The following NAA25 variants were observed in gnomAD, a reference collection of about 807,000 sequenced individuals.
The protein encoded by NAA25 is N-terminal acetyltransferase B complex subunit NAA25.
Under a neutral mutation model 132.5 loss-of-function variants are expected in NAA25, and 30 were observed. The ratio of observed to expected loss-of-function variants is 0.23; its 90% CI spans 0.17 to 0.31. The LOEUF is 0.31. NAA25 is among the 10% of genes least tolerant of loss of function. The pLI, the probability that NAA25 is intolerant of heterozygous loss-of-function variation, is 1.00. For missense variants in NAA25, 771 were observed against 1,150.4 expected (o/e 0.67, Z 4.77); for synonymous variants, 359 against 401.9 (o/e 0.89, Z 1.28).
chr12:112,058,431 A>G (rs2078577901), intron 13 of NAA25, among the ~76,000 whole-genome samples: 1 of 152,252 alleles, frequency 6.6e-6, no homozygotes. Context: ...AAACAGCATT[A>G]TAAACTATCC....
intron 1 of NAA25, among the ~76,000 whole-genome samples, chr12:112,103,825 T>C (rs1377195319): frequency 1.3e-5 from 2 of 152,124 alleles, no homozygotes; most frequent in Non-Finnish European, 2.9e-5. Context: ...TATCAGGCAT[T>C]AGTTAGAGTC....
intron 14 of NAA25, 118 bp downstream of exon 14, chr12:112,054,270 G>A (rs1371624423): frequency 3.4e-6 from 3 of 882,066 alleles, no homozygotes; most frequent in Non-Finnish European, 5.2e-6. Context: ...ATCATAACAG[G>A]TTATTATTTA....
intron 8 of NAA25, 42 bp downstream of exon 8, chr12:112,075,636 C>T: frequency 6.6e-7 from 1 of 1,508,804 alleles, no homozygotes; most frequent in Non-Finnish European, 9.2e-7. Context: ...GGTCTTAAAG[C>T]CTCACTACAG....
chr12:112,036,824 G>A (rs1390960091), intron 22 of NAA25, among the ~76,000 whole-genome samples: 1 of 149,114 alleles, frequency 6.7e-6, no homozygotes, highest in Non-Finnish European at 1.5e-5. Context: ...CTGGGCAACA[G>A]AGCAAGACTC....
At chr12:112,075,990 C>T (rs2136897386) in intron 7 of NAA25, among the ~76,000 whole-genome samples, 1 of 152,312 alleles carries the variant, frequency 6.6e-6, no homozygotes, top group South Asian at 2.1e-4. Flanking sequence ...TCAAGCGATT[C>T]TCCTGTCTCA....
chr12:112,060,664 C>T (rs2078614746), intron 12 of NAA25, among the ~76,000 whole-genome samples: 1 of 152,072 alleles, frequency 6.6e-6, no homozygotes, highest in Non-Finnish European at 1.5e-5. Flanking sequence ...AAGCCAAGTG[C>T]CATGTATAAC....
intron 11 of NAA25, among the ~76,000 whole-genome samples, chr12:112,067,113 TC>T (rs1343057750): frequency 1.3e-5 from 2 of 151,922 alleles, no homozygotes; most frequent in Non-Finnish European, 2.9e-5. Context: ...GGCAGGAGAA[TC>T]CCTTGAACCA....
chr12:112,061,107 AG>A (rs2078622785), intron 12 of NAA25, 73 bp downstream of exon 12: 1 of 1,189,920 alleles, frequency 8.4e-7, no homozygotes, highest in Admixed American at 2.0e-5. Context: ...AGGGTGCTAC[AG>A]GTGCTTAAAA....
At chr12:112,055,384 G>C (rs1329055442) in intron 13 of NAA25, among the ~76,000 whole-genome samples, 10 of 152,140 alleles carry the variant, frequency 6.6e-5, no homozygotes, top group Admixed American at 5.9e-4. Context: ...CACAAAGAGA[G>C]AGAGAAGAAG....
At chr12:112,088,431 A>C (rs1388715568) in intron 3 of NAA25, among the ~76,000 whole-genome samples, 1 of 148,100 alleles carries the variant, frequency 6.8e-6, no homozygotes, top group Non-Finnish European at 1.5e-5. Flanking sequence ...AGCTCAGGTA[A>C]TTCTCCGACC....
intron 1 of NAA25, 140 bp downstream of exon 1, chr12:112,108,576 G>A: frequency 2.2e-6 from 2 of 928,740 alleles, no homozygotes; most frequent in East Asian, 5.2e-5. Context: ...CGCGGCTGCG[G>A]CCTAGTGGCC....
chr12:112,032,698 A>G (rs2078165576), intron 23 of NAA25, among the ~76,000 whole-genome samples: 1 of 152,216 alleles, frequency 6.6e-6, no homozygotes, highest in South Asian at 2.1e-4. Context: ...CTTTATAAGG[A>G]TTTTGCTAAC....
chr12:112,059,461 C>T (rs1417790401), intron 13 of NAA25, among the ~76,000 whole-genome samples: 1 of 152,090 alleles, frequency 6.6e-6, no homozygotes, highest in Non-Finnish European at 1.5e-5. Flanking sequence ...GGGGGTGGGA[C>T]CTAAAGAAAA....
intron 1 of NAA25, among the ~76,000 whole-genome samples, chr12:112,099,400 T>C (rs2079259452): frequency 6.6e-6 from 1 of 152,082 alleles, no homozygotes; most frequent in Non-Finnish European, 1.5e-5. Flanking sequence ...TTTATTTTCC[T>C]ACAGCAAGTG....
intron 1 of NAA25, among the ~76,000 whole-genome samples, chr12:112,104,497 A>G (rs1369940455): frequency 6.6e-6 from 1 of 152,176 alleles, no homozygotes; most frequent in Non-Finnish European, 1.5e-5. Flanking sequence ...ATCTCCCTCC[A>G]TCCCTTCCCT....
intron 17 of NAA25, among the ~76,000 whole-genome samples, chr12:112,045,500 A>AC (rs539477106): frequency 0.09 from 13,260 of 147,380 alleles, 728 homozygotes; most frequent in East Asian, 0.23. Context: ...AAAAAAAAAA[A>AC]AAAAAAAATA....
Position 112,107,390 on chromosome 12 carries a change from T to G in NAA25, c.58+1326A>C, listed in dbSNP as rs142936028. On this transcript the variant is annotated intron_variant, in intron 1 of 23. Coordinates refer to ENST00000261745, the MANE Select transcript of NAA25 (RefSeq NM_024953.4). ...CTCAGTTTCCTCATCTGTTTTTTTTTTTGTTGTTGTTGTTGTTAAAGGGTT... is the reference window on the plus strand; with the variant it reads ...CTCAGTTTCCTCATCTGTTTTTTTTGTTGTTGTTGTTGTTGTTAAAGGGTT... Among the ~76,000 whole-genome samples the G allele has an allele frequency of 3.6e-3, 550 of 152,086 alleles. 3 individuals carry two copies. Among genetic ancestry groups the G allele is most frequent in the South Asian group, 7.9e-3 (38 of 4,820 alleles).
intron 3 of NAA25, 167 bp downstream of exon 3, chr12:112,090,559 T>C (rs527863896): frequency 3.6e-5 from 20 of 560,890 alleles, no homozygotes; most frequent in African/African-American, 2.3e-4. Context: ...TCCTAATGCA[T>C]GTAAACTATC....
chr12:112,028,555 C>T lies in NAA25; in HGVS notation c.*976G>A, dbSNP rs1159856452. On this transcript the variant is annotated 3_prime_UTR_variant, in exon 24 of 24. Transcript: ENST00000261745. ...GCCTAAGGCTAAATCCATAATATTA[C>T]ATTCCTTCCTTCCCAAACCCCCCAC... 1.3e-5 allele frequency: 2 copies of T among 152,102 alleles called. No individual in the cohort carries two copies. The highest frequency in any genetic ancestry group is 4.8e-5 in the African/African-American group (2 of 41,414). 9.4% of individuals were successfully genotyped at this position (152,102 alleles called of 1,614,324 possible).
Sources: allele counts gnomAD v4.1 joint callset (sites outside exome capture counted in the v4.1 genomes callset), GRCh38; gene constraint gnomAD v4.1.1; transcripts MANE v1.5; gene names NCBI Gene and HGNC (gene_info 2026-07-23, HGNC 2026-07-21).